Variants in PRODH2 observed in about 807,000 individuals in gnomAD.
PRODH2 encodes the protein hydroxyproline dehydrogenase.
In PRODH2, 49 loss-of-function variants were observed where a neutral mutation model predicts 51.9. That is an observed-to-expected ratio of 0.94 (90% CI 0.75 to 1.20). PRODH2 has a LOEUF of 1.20. Ranked by LOEUF, PRODH2 falls within the 50% of genes most tolerant of loss-of-function variation. The pLI, the probability that PRODH2 is intolerant of heterozygous loss-of-function variation, is 0.00. For missense variants in PRODH2, 597 were observed against 610.9 expected, an observed-to-expected ratio of 0.98 and a Z score of 0.24; for synonymous variants, 249 against 260.7, an observed-to-expected ratio of 0.96 and a Z score of 0.43.
intron 9 of PRODH2, among the ~76,000 whole-genome samples, chr19:35,800,748 A>G (rs369538612): frequency 1.3e-5 from 2 of 152,078 alleles, no homozygotes; most frequent in East Asian, 3.9e-4. Flanking sequence ...GCTGGAGTGC[A>G]GTGGTGTGAT....
At position 35,812,563 on chromosome 19, in the gene PRODH2, G is replaced by A; in HGVS notation, c.175-7C>T. On this transcript the variant is annotated splice_region_variant and splice_polypyrimidine_tract_variant and intron_variant, in intron 1 of 9. Coordinates refer to ENST00000653904, the MANE Select transcript of PRODH2 (RefSeq NM_021232.2). Reference sequence around the variant, plus strand: ...GCCGAGACCAGGCCTGGAGCTGGGTGACAGGGAGCGAGGGCTCAGCGCCAG... The same window carrying A: ...GCCGAGACCAGGCCTGGAGCTGGGTAACAGGGAGCGAGGGCTCAGCGCCAG... 1 of 1,612,802 alleles carries A rather than the reference G, an allele frequency of 6.2e-7. No individual in the cohort carries two copies. Among genetic ancestry groups the A allele is most frequent in the Non-Finnish European group, 8.5e-7 (1 of 1,179,144 alleles).
At position 35,812,628 on chromosome 19, in the gene PRODH2, T is replaced by G; in HGVS notation, c.174+4A>C. On this transcript the variant is annotated splice_donor_region_variant and intron_variant, in intron 1 of 9. Transcript: ENST00000653904. ...CCAGGCTGGTCCTCAGGATCACTGC[T>G]CACCAACAGCCCGTGAGTGACGAGT... 6.3e-7 allele frequency: 1 copy of G among 1,593,734 alleles called. No individual in the cohort carries two copies. The highest frequency in any genetic ancestry group is 1.1e-5 in the South Asian group (1 of 88,592).
At chr19:35,807,143 G>A (rs1159464406) in intron 4 of PRODH2, 22 bp from the exon 5 acceptor site, 2 of 1,525,500 alleles carry the variant, frequency 1.3e-6, no homozygotes, top group Non-Finnish European at 1.8e-6. Context: ...CAGGGGAAGT[G>A]GGGAAAAGCT....
Position 35,800,111 on chromosome 19 carries a change from CG to C in PRODH2, c.1309del (p.Arg437AlafsTer?). 1 of 1,610,756 alleles carries C rather than the reference CG, an allele frequency of 6.2e-7. No homozygotes were observed. Among genetic ancestry groups the C allele is most frequent in the Non-Finnish European group, 8.5e-7 (1 of 1,178,480 alleles). On this transcript the variant is annotated frameshift_variant, in exon 10 of 10. Coordinates refer to ENST00000653904, the MANE Select transcript of PRODH2 (RefSeq NM_021232.2). LOFTEE classifies it low-confidence loss of function (END_TRUNC). ...TTGGCTGAGCAGCTCCTGTTCCCTG[CG>C]GGCACCCTGAAGCACGCTCCGGTTC... ...QENRSVLQGA[R>X]REQELLSQEL...
At chr19:35,802,354 G>A (rs534725849) in intron 8 of PRODH2, 78 bp from the exon 9 acceptor site, 1 of 1,209,872 alleles carries the variant, frequency 8.3e-7, no homozygotes, top group African/African-American at 1.5e-5. Flanking sequence ...CACCCATATG[G>A]CGGCTCCAGT....
At chr19:35,809,958 C>CA (rs1175392997) in intron 4 of PRODH2, among the ~76,000 whole-genome samples, 5,996 of 12,756 alleles carry the variant, frequency 0.47, 2,717 homozygotes, top group Non-Finnish European at 0.51. Context: ...GATGCCGCTT[C>CA]AAAAAAAAAA....
At chr19:35,809,976 A>AAAAAAAAC (rs1972581109) in intron 4 of PRODH2, among the ~76,000 whole-genome samples, 1 of 135,758 alleles carries the variant, frequency 7.4e-6, no homozygotes, top group Non-Finnish European at 1.6e-5. Context: ...AAAAAAAAAA[A>AAAAAAAAC]AAAAAAAAAC....
At chr19:35,810,360 C>G (rs1377698405) in intron 4 of PRODH2, among the ~76,000 whole-genome samples, 1 of 151,620 alleles carries the variant, frequency 6.6e-6, no homozygotes, top group African/African-American at 2.4e-5. Flanking sequence ...AGCATGTCCA[C>G]TATAGCATTG....
At chr19:35,804,258 G>A (rs1199241668) in intron 7 of PRODH2, among the ~76,000 whole-genome samples, 1 of 152,140 alleles carries the variant, frequency 6.6e-6, no homozygotes, top group East Asian at 1.9e-4. Context: ...CGTGATCTCG[G>A]CTCACGGAAT....
At chr19:35,801,981 C>A in intron 9 of PRODH2, 1 of 574,770 alleles carries the variant, frequency 1.7e-6, no homozygotes, top group Non-Finnish European at 3.1e-6. Context: ...TAACAAAACA[C>A]ACAAGAAATA....
chr19:35,805,232 G>A (rs984750013), intron 7 of PRODH2, among the ~76,000 whole-genome samples: 4 of 152,022 alleles, frequency 2.6e-5, no homozygotes, highest in East Asian at 3.9e-4. Flanking sequence ...TCTATGATAC[G>A]TGAATTATAT....
At chr19:35,802,920 G>A (rs1972455053) in intron 8 of PRODH2, 48 bp downstream of exon 8, 1 of 1,332,492 alleles carries the variant, frequency 7.5e-7, no homozygotes, top group Admixed American at 2.2e-5. Flanking sequence ...GAGGAAGGGA[G>A]GGCCCTTTTG....
At chr19:35,804,339 C>T (rs954439526) in intron 7 of PRODH2, among the ~76,000 whole-genome samples, 9 of 152,220 alleles carry the variant, frequency 5.9e-5, no homozygotes. Flanking sequence ...AGGTGTGAGG[C>T]CCTGCACCTG....
rs199765673 is a variant in PRODH2 at position 35,803,093 on chromosome 19, T to C, written c.1002-15A>G. 6.6e-6 allele frequency: 10 copies of C among 1,511,514 alleles called. No homozygotes were observed. In the Admixed American group the frequency reaches 1.6e-4, roughly 25 times the overall value. 93.6% of individuals were successfully genotyped at this position (1,511,514 alleles called of 1,614,324 possible). ...AGCGGCTGTAACTGAAGGGAGATGC[T>C]CTGTTCAGCTCACCTGGTGAGCGAG... On this transcript the variant is annotated splice_polypyrimidine_tract_variant and intron_variant, in intron 7 of 9. Coordinates refer to ENST00000653904, the MANE Select transcript of PRODH2 (RefSeq NM_021232.2).
At chr19:35,811,003 A>C (rs765555683) in intron 4 of PRODH2, among the ~76,000 whole-genome samples, 3 of 152,168 alleles carry the variant, frequency 2.0e-5, no homozygotes, top group African/African-American at 7.2e-5. Context: ...ATTTAGGGGG[A>C]AAACATGTCT....
intron 4 of PRODH2, among the ~76,000 whole-genome samples, chr19:35,810,912 T>C (rs1055570782): frequency 2.0e-5 from 3 of 152,236 alleles, no homozygotes; most frequent in South Asian, 2.1e-4. Context: ...GTGTAGTTCA[T>C]TGTTTTACCT....
At position 35,807,852 on chromosome 19, in the gene PRODH2, T is replaced by C. The variant is rs139139987; in HGVS notation, c.598-731A>G. ...ATGCAGTGGCACGATCATGGCTCAC[T>C]GCAGCCTCCACCTCCCCAGCTCAAG... On this transcript the variant is annotated intron_variant, in intron 4 of 9. Coordinates refer to ENST00000653904, the MANE Select transcript of PRODH2 (RefSeq NM_021232.2). Among the ~76,000 whole-genome samples, 352 of 152,120 alleles carry C rather than the reference T, an allele frequency of 2.3e-3. 5 individuals carry two copies. The highest frequency in any genetic ancestry group is 8.1e-3 in the African/African-American group (335 of 41,494).
chr19:35,808,469 G>A (rs970512997), intron 4 of PRODH2, among the ~76,000 whole-genome samples: 1 of 152,142 alleles, frequency 6.6e-6, no homozygotes, highest in African/African-American at 2.4e-5. Context: ...GCTGCCTCCT[G>A]GAGAAGGGAA....
In PRODH2 at chr19:35,812,151, T is replaced by A. The variant is rs201018491; in HGVS notation, c.493A>T (p.Thr165Ser). ...SLMQLKVTAL[T>S]STRLCKELAS... ...CTCCTTACACAGAGCCGAGTACTGG[T>A]CAGCGCCGTCACCTTCAGCTGCATG... The change falls in exon 3 of 10, where the codon ACC becomes TCC. Residue 165 changes from threonine (T) to serine (S), a missense_variant. Coordinates refer to ENST00000653904, the MANE Select transcript of PRODH2 (RefSeq NM_021232.2). 5.6e-6 allele frequency: 9 copies of A among 1,614,094 alleles called. No homozygotes were observed. Among genetic ancestry groups the A allele is most frequent in the Non-Finnish European group, 1.7e-6 (2 of 1,180,008 alleles).
Sources: allele counts gnomAD v4.1 joint callset (sites outside exome capture counted in the v4.1 genomes callset), GRCh38; gene constraint gnomAD v4.1.1; transcripts MANE v1.5; gene names NCBI Gene and HGNC (gene_info 2026-07-23, HGNC 2026-07-21).